ZFAND4: variants seen among roughly 807,000 people sequenced by gnomAD.
The protein encoded by ZFAND4 is AN1-type zinc finger protein 4.
ZFAND4 carries 43 observed loss-of-function variants against 64.4 expected under a neutral mutation model. The observed-to-expected ratio is 0.67, with a 90% CI of 0.52 to 0.86. The LOEUF is 0.86. Among genes scored for constraint, ZFAND4 ranks in the 40% least tolerant of loss-of-function variants. ZFAND4 has a pLI of 0.00. For missense variants in ZFAND4, 929 were observed against 859.8 expected, an observed-to-expected ratio of 1.08 and a Z score of -1.01; for synonymous variants, 296 against 305.7, an observed-to-expected ratio of 0.97 and a Z score of 0.33.
At chr10:45,645,974 C>T (rs1445086928) in intron 5 of ZFAND4, among the ~76,000 whole-genome samples, 1 of 151,450 alleles carries the variant, frequency 6.6e-6, no homozygotes, top group African/African-American at 2.4e-5. Flanking sequence ...CTGACAGTAC[C>T]TATCTGTGTG....
At chr10:45,663,964 T>A in intron 1 of ZFAND4, 122 bp from the exon 2 acceptor site, 1 of 382,402 alleles carries the variant, frequency 2.6e-6, no homozygotes, top group Non-Finnish European at 4.7e-6. Context: ...TTTAGTGCTT[T>A]TAATTATGTC....
chr10:45,662,216 A>G (rs1227810087), intron 2 of ZFAND4, among the ~76,000 whole-genome samples: 2 of 152,150 alleles, frequency 1.3e-5, no homozygotes, highest in African/African-American at 2.4e-5. Flanking sequence ...CTTAGATTCA[A>G]TTGTCTAATA....
intron 2 of ZFAND4, chr10:45,662,619 C>T: frequency 1.0e-6 from 1 of 985,428 alleles, no homozygotes; most frequent in African/African-American, 1.7e-5. Context: ...AGAGTCATTA[C>T]TGAATGTGCT....
chr10:45,669,220 A>T (rs1589457712), intron 1 of ZFAND4, among the ~76,000 whole-genome samples: 1 of 152,362 alleles, frequency 6.6e-6, no homozygotes, highest in East Asian at 1.9e-4. Flanking sequence ...TCCCACAGAA[A>T]TACAAACTAC....
rs917650664 is a variant in ZFAND4 at position 45,639,865 on chromosome 10, T to C, written c.668A>G (p.Lys223Arg). 2.5e-6 allele frequency: 4 copies of C among 1,613,080 alleles called. No homozygotes were observed. The African/African-American group carries it at 5.3e-5, about 22-fold the overall frequency. ...QIIENSITMN[K>R]MKLLKAKMKN... Reference sequence around the variant, plus strand: ...CATCTTAGCCTTCAGCAGCTTCATCTTATTCATAGTTATTGAATTTTCAAT... The same window carrying C: ...CATCTTAGCCTTCAGCAGCTTCATCCTATTCATAGTTATTGAATTTTCAAT... The change falls in exon 6 of 10, where the codon AAG (lysine) becomes AGG (arginine). Residue 223 changes from lysine to arginine, a missense_variant. Transcript: ENST00000344646.
intron 5 of ZFAND4, among the ~76,000 whole-genome samples, chr10:45,641,388 T>C (rs771080784): frequency 2.4e-4 from 37 of 152,318 alleles, no homozygotes; most frequent in Non-Finnish European, 4.7e-4. Flanking sequence ...CCGTTTTATA[T>C]GGTTGTAAGA....
chr10:45,633,372 T>C (rs766613210), intron 6 of ZFAND4, among the ~76,000 whole-genome samples: 17 of 152,208 alleles, frequency 1.1e-4, no homozygotes, highest in Non-Finnish European at 2.4e-4. Flanking sequence ...ATACAAACAA[T>C]ATTCTCTGAG....
intron 6 of ZFAND4, among the ~76,000 whole-genome samples, chr10:45,635,739 A>G (rs1360817356): frequency 6.6e-6 from 1 of 152,220 alleles, no homozygotes; most frequent in African/African-American, 2.4e-5. Context: ...CCAGCCTTAA[A>G]AAGGAAGGAA....
intron 1 of ZFAND4, among the ~76,000 whole-genome samples, chr10:45,665,598 ATT>A (rs1033030672): frequency 3.3e-5 from 5 of 152,158 alleles, no homozygotes; most frequent in African/African-American, 1.2e-4. Context: ...AAATTCACTC[ATT>A]TAAAGCCTAA....
chr10:45,642,551 T>G (rs1160518081), intron 5 of ZFAND4, among the ~76,000 whole-genome samples: 115 of 138,786 alleles, frequency 8.3e-4, no homozygotes, highest in Non-Finnish European at 1.4e-3. Context: ...AGCTTGCAAG[T>G]GAGCCGAGAT....
chr10:45,660,942 T>C (rs1288163920), intron 2 of ZFAND4, among the ~76,000 whole-genome samples: 1 of 152,082 alleles, frequency 6.6e-6, no homozygotes, highest in Admixed American at 6.5e-5. Flanking sequence ...GGTCAGAAAC[T>C]AAGATCTACA....
Position 45,627,002 on chromosome 10 carries a change from T to C in ZFAND4, c.821A>G (p.Asn274Ser). ...AGCAGGTGAACAAGATTGACCAATG[T>C]TGGGGAGGACCCTTAACAATCGGTG... The part of the protein sequence containing the change: ...SRHRLLRVLP[N>S]IGQSCSPAFG... The change falls in exon 7 of 10, where the codon AAC becomes AGC. Residue 274 changes from asparagine to serine, a missense_variant. Asn to Ser is a conservative substitution (Grantham distance 46). Coordinates refer to ENST00000344646, the MANE Select transcript of ZFAND4 (RefSeq NM_174890.4). The C allele has an allele frequency of 1.2e-6, 2 of 1,613,396 alleles. No individual in the cohort carries two copies. The highest frequency in any genetic ancestry group is 1.7e-6 in the Non-Finnish European group (2 of 1,179,522).
chr10:45,667,154 T>A (rs977053101), intron 1 of ZFAND4, among the ~76,000 whole-genome samples: 1 of 152,228 alleles, frequency 6.6e-6, no homozygotes, highest in Non-Finnish European at 1.5e-5. Flanking sequence ...CAATGTTTTA[T>A]AATTTTTAAA....
intron 6 of ZFAND4, among the ~76,000 whole-genome samples, chr10:45,636,465 G>A (rs546128809): frequency 5.3e-5 from 8 of 151,958 alleles, no homozygotes; most frequent in East Asian, 1.9e-4. Context: ...GTGAAACCCC[G>A]TCTCTACTAA....
Position 45,626,267 on chromosome 10 carries a change from G to A in ZFAND4, c.1556C>T (p.Ser519Phe), listed in dbSNP as rs1564558728. The A allele has an allele frequency of 6.2e-7, 1 of 1,614,170 alleles. No homozygotes were observed. Among genetic ancestry groups the A allele is most frequent in the East Asian group, 2.2e-5 (1 of 44,888 alleles). Residue 519 changes from serine to phenylalanine, a missense_variant, in exon 7 of 10, where the codon TCT becomes TTT. Physicochemically the swap from Ser to Phe is radical, Grantham distance 155. Transcript: ENST00000344646. Reference sequence around the variant, plus strand: ...TTGAAAGCAAGTAGTCCTAGAGAAAGAAGAATCAGTTATGTTTTGAACATC... The same window carrying A: ...TTGAAAGCAAGTAGTCCTAGAGAAAAAAGAATCAGTTATGTTTTGAACATC... ...SLDVQNITDS[S>F]FSRTTCFQGV...
chr10:45,622,997 A>G (rs528746712), intron 8 of ZFAND4, among the ~76,000 whole-genome samples: 1 of 152,346 alleles, frequency 6.6e-6, no homozygotes, highest in East Asian at 1.9e-4. Flanking sequence ...TAGGAAATCA[A>G]CTTCACTAAT....
At chr10:45,633,605 C>T (rs2046363941) in intron 6 of ZFAND4, among the ~76,000 whole-genome samples, 1 of 151,606 alleles carries the variant, frequency 6.6e-6, no homozygotes, top group South Asian at 2.1e-4. Context: ...TATTAAAATA[C>T]TCTTGGACTA....
intron 1 of ZFAND4, among the ~76,000 whole-genome samples, chr10:45,665,337 C>G (rs766323241): frequency 6.6e-6 from 1 of 151,998 alleles, no homozygotes; most frequent in African/African-American, 2.4e-5. Flanking sequence ...GTCAGGAGTT[C>G]GAGACCAGCC....
chr10:45,655,054 C>T (rs79679439), intron 2 of ZFAND4, among the ~76,000 whole-genome samples: 2,054 of 152,226 alleles, frequency 0.013, 21 homozygotes, highest in Non-Finnish European at 0.019. Flanking sequence ...AATATACATT[C>T]GTCTCATCAG....
Sources: allele counts gnomAD v4.1 joint callset (sites outside exome capture counted in the v4.1 genomes callset), GRCh38; gene constraint gnomAD v4.1.1; transcripts MANE v1.5; gene names NCBI Gene and HGNC (gene_info 2026-07-23, HGNC 2026-07-21).